The following PCDH11Y variants were observed in gnomAD, a reference collection of about 807,000 sequenced individuals.
PCDH11Y encodes protocadherin-11 Y-linked.
For missense variants in PCDH11Y, 12 were observed against 224.8 expected, an observed-to-expected ratio of 0.05 and a Z score of 6.05; for synonymous variants, 9 against 83.6, an observed-to-expected ratio of 0.11 and a Z score of 4.87.
downstream of PCDH11Y, among the ~76,000 whole-genome samples, chrY:5,107,830 C>T: frequency 3.1e-5 from 1 of 32,784 alleles, no homozygotes; most frequent in Admixed American, 2.8e-4. Context: ...GAGGCCGAGG[C>T]GGGTGGATCA....
At chrY:5,435,839 T>C in intron 2 of PCDH11Y, among the ~76,000 whole-genome samples, 2 of 32,451 alleles carry the variant, frequency 6.2e-5, no homozygotes, top group African/African-American at 2.4e-4. Flanking sequence ...TGCTGGTCAG[T>C]TGCGTCTACA....
At chrY:5,358,138 G>A in intron 2 of PCDH11Y, among the ~76,000 whole-genome samples, 1 of 33,292 alleles carries the variant, frequency 3.0e-5, no homozygotes, top group Non-Finnish European at 7.4e-5. Flanking sequence ...GTTTCTCCAT[G>A]TTGGTCAGGT....
intron 2 of PCDH11Y, among the ~76,000 whole-genome samples, chrY:5,169,569 A>G (rs2124645396): frequency 3.2e-5 from 1 of 31,721 alleles, no homozygotes; most frequent in East Asian, 8.7e-4. Flanking sequence ...TTTTATACAT[A>G]CACATGCTGA....
chrY:5,536,236 A>T, intron 3 of PCDH11Y, among the ~76,000 whole-genome samples: 1 of 31,783 alleles, frequency 3.1e-5, no homozygotes, highest in Non-Finnish European at 7.7e-5. Flanking sequence ...TGATTTTTTT[A>T]TTATGGCAAT....
At chrY:5,091,274 G>A (rs2052740762) in intron 1 of PCDH11Y, among the ~76,000 whole-genome samples, 1 of 33,368 alleles carries the variant, frequency 3.0e-5, no homozygotes, top group Non-Finnish European at 7.5e-5. Context: ...GTCAAAGAGC[G>A]AGATAGAGAA....
intron 2 of PCDH11Y, among the ~76,000 whole-genome samples, chrY:5,384,989 T>C (rs951004622): frequency 8.5e-3 from 265 of 31,078 alleles, no homozygotes; most frequent in Non-Finnish European, 0.018. Flanking sequence ...TTTGGTTTGC[T>C]CTACTGGGGC....
At chrY:5,043,545 T>C (rs2052620595) in intron 3 of PCDH11Y, among the ~76,000 whole-genome samples, 1 of 33,804 alleles carries the variant, frequency 3.0e-5, no homozygotes, top group Admixed American at 2.7e-4. Flanking sequence ...GCGTCAATGT[T>C]CATCAAGGAT....
chrY:5,135,493 G>A, intron 2 of PCDH11Y, among the ~76,000 whole-genome samples: 1 of 33,068 alleles, frequency 3.0e-5, no homozygotes, highest in South Asian at 6.9e-4. Flanking sequence ...GCTGGGTACG[G>A]CTTCTTGCTA....
At chrY:5,385,893 G>C (rs2053214272) in intron 2 of PCDH11Y, among the ~76,000 whole-genome samples, 9 of 33,161 alleles carry the variant, frequency 2.7e-4, no homozygotes, top group Admixed American at 2.0e-3. Context: ...GTTCCTTGTA[G>C]ATTCTGGATA....
intron 2 of PCDH11Y, among the ~76,000 whole-genome samples, chrY:5,236,668 C>A: frequency 3.2e-5 from 1 of 31,163 alleles, no homozygotes; most frequent in Admixed American, 3.1e-4. Context: ...CAACTTGATT[C>A]TTCAGGTTAT....
intron 2 of PCDH11Y, among the ~76,000 whole-genome samples, chrY:5,306,393 C>T: frequency 6.2e-5 from 2 of 32,502 alleles, no homozygotes; most frequent in Admixed American, 5.7e-4. Flanking sequence ...GATCTCAAGG[C>T]ATGATGATTA....
chrY:5,280,830 G>A, intron 2 of PCDH11Y, among the ~76,000 whole-genome samples: 1 of 32,822 alleles, frequency 3.0e-5, no homozygotes, highest in Non-Finnish European at 7.5e-5. Context: ...ATTTCACTGT[G>A]GTTTGGATTG....
At chrY:5,513,179 G>C in intron 3 of PCDH11Y, among the ~76,000 whole-genome samples, 3 of 31,546 alleles carry the variant, frequency 9.5e-5, no homozygotes, top group Non-Finnish European at 1.5e-4. Flanking sequence ...TACAGGCACT[G>C]GCCACCACGC....
chrY:5,708,355 C>T (rs1002346118), intron 4 of PCDH11Y, among the ~76,000 whole-genome samples: 1 of 33,082 alleles, frequency 3.0e-5, no homozygotes, highest in South Asian at 6.6e-4. Flanking sequence ...AATATTATAA[C>T]ACTGTAACTG....
At chrY:5,720,927 T>TC (rs2053594085) in intron 4 of PCDH11Y, among the ~76,000 whole-genome samples, 1 of 32,840 alleles carries the variant, frequency 3.0e-5, no homozygotes, top group Non-Finnish European at 7.5e-5. Flanking sequence ...TAAGGTATCT[T>TC]CCACTGAGGC....
chrY:5,054,855 C>A, upstream of PCDH11Y, among the ~76,000 whole-genome samples: 1 of 30,874 alleles, frequency 3.2e-5, no homozygotes, highest in Non-Finnish European at 7.8e-5. Context: ...ATTATGTAAT[C>A]CCAATGCACA....
At chrY:5,341,000 G>A in intron 2 of PCDH11Y, among the ~76,000 whole-genome samples, 1 of 34,020 alleles carries the variant, frequency 2.9e-5, no homozygotes, top group African/African-American at 1.1e-4. Flanking sequence ...CATTAATGCC[G>A]GTGTAGACAG....
At chrY:5,495,659 T>C in intron 2 of PCDH11Y, among the ~76,000 whole-genome samples, 1 of 33,047 alleles carries the variant, frequency 3.0e-5, no homozygotes, top group South Asian at 6.7e-4. Context: ...TTTGAACTCA[T>C]GGCATGTGCA....
intron 2 of PCDH11Y, among the ~76,000 whole-genome samples, chrY:5,032,180 G>A: frequency 3.0e-5 from 1 of 33,790 alleles, no homozygotes; most frequent in Non-Finnish European, 7.4e-5. Flanking sequence ...TGTGATTGCC[G>A]TTCAAGGCAG....
Sources: allele counts gnomAD v4.1 joint callset (sites outside exome capture counted in the v4.1 genomes callset), GRCh38; gene constraint gnomAD v4.1.1; transcripts MANE v1.5; gene names NCBI Gene and HGNC (gene_info 2026-07-23, HGNC 2026-07-21).